Variants in EML5 observed in about 807,000 individuals in gnomAD.
EML5 encodes the protein echinoderm microtubule-associated protein-like 5.
Under a neutral mutation model 250.0 loss-of-function variants are expected in EML5, and 120 were observed. That is an observed-to-expected ratio of 0.48 (90% CI 0.41 to 0.56). The LOEUF (loss-of-function observed/expected upper bound fraction) is 0.56. EML5 is among the 20% of genes least tolerant of loss of function. The pLI is 0.00. For missense variants in EML5, 2,006 were observed against 2,437.6 expected (o/e 0.82, Z 3.73); for synonymous variants, 771 against 806.5 (o/e 0.96, Z 0.75).
intron 6 of EML5, among the ~76,000 whole-genome samples, chr14:88,737,340 A>G (rs2093857727): frequency 6.6e-6 from 1 of 152,222 alleles, no homozygotes; most frequent in South Asian, 2.1e-4. Context: ...CCCTTCAACC[A>G]GACGCCAACG....
At chr14:88,701,843 A>G (rs951961496) in intron 14 of EML5, among the ~76,000 whole-genome samples, 4 of 152,204 alleles carry the variant, frequency 2.6e-5, no homozygotes, top group Non-Finnish European at 5.9e-5. Flanking sequence ...TTACTCTCAC[A>G]TGGTTGAGGT....
At chr14:88,636,511 A>C (rs1428457982) in intron 32 of EML5, among the ~76,000 whole-genome samples, 1 of 152,148 alleles carries the variant, frequency 6.6e-6, no homozygotes, top group Non-Finnish European at 1.5e-5. Context: ...AAATACAAAA[A>C]TTAGCCAGGC....
intron 28 of EML5, among the ~76,000 whole-genome samples, chr14:88,648,213 C>CT (rs1220849310): frequency 6.6e-6 from 1 of 152,060 alleles, no homozygotes; most frequent in Admixed American, 6.5e-5. Context: ...CATTGTACAG[C>CT]TTTGATGACA....
intron 1 of EML5, among the ~76,000 whole-genome samples, chr14:88,786,106 C>G (rs1426565917): frequency 6.6e-6 from 1 of 152,080 alleles, no homozygotes; most frequent in Non-Finnish European, 1.5e-5. Context: ...TTTGATAGTC[C>G]CTTTACTTAA....
At chr14:88,745,167 T>TTG (rs1555370057) in intron 3 of EML5, among the ~76,000 whole-genome samples, 31,999 of 145,162 alleles carry the variant, frequency 0.22, 3,718 homozygotes, top group Non-Finnish European at 0.27. Context: ...AATTGTGTGT[T>TTG]TGTGTGTGTG....
chr14:88,661,954 A>C lies in EML5; in HGVS notation c.3499-124T>G, dbSNP rs75064735. On this transcript the variant is annotated intron_variant, in intron 24 of 43. Coordinates refer to ENST00000554922, the MANE Select transcript of EML5 (RefSeq NM_183387.3). ...AGTAAAATGAAAGTTTTAATGAAAA[A>C]ATAGTTAAATTATTAGTTGTCTTGG... is the stretch of plus-strand genomic sequence containing the variant. 4.7e-3 allele frequency: 4,225 copies of C among 897,872 alleles called. 138 individuals carry two copies. The African/African-American group carries it at 0.062, about 13-fold the overall frequency. 55.6% of individuals were successfully genotyped at this position (897,872 alleles called of 1,614,324 possible).
chr14:88,643,506 G>A (rs979451672), intron 30 of EML5, among the ~76,000 whole-genome samples: 1 of 152,152 alleles, frequency 6.6e-6, no homozygotes, highest in African/African-American at 2.4e-5. Flanking sequence ...ATGTGCATAG[G>A]TTATATGCAA....
chr14:88,758,977 G>A (rs1364917095), intron 1 of EML5, among the ~76,000 whole-genome samples: 1 of 152,198 alleles, frequency 6.6e-6, no homozygotes, highest in South Asian at 2.1e-4. Context: ...AAGTAGATTA[G>A]TGATTGCCAG....
At chr14:88,650,237 G>A (rs2091554884) in intron 27 of EML5, among the ~76,000 whole-genome samples, 1 of 152,160 alleles carries the variant, frequency 6.6e-6, no homozygotes, top group African/African-American at 2.4e-5. Flanking sequence ...TGAATCACTT[G>A]AGGTCAGGAG....
intron 7 of EML5, among the ~76,000 whole-genome samples, chr14:88,732,503 G>A (rs1476705608): frequency 6.6e-6 from 1 of 152,194 alleles, no homozygotes; most frequent in Non-Finnish European, 1.5e-5. Context: ...GTAGCGTGAT[G>A]CCTTCAGTGT....
chr14:88,618,406 C>T, intron 40 of EML5, 75 bp from the exon 41 acceptor site: 1 of 1,297,652 alleles, frequency 7.7e-7, no homozygotes, highest in African/African-American at 1.5e-5. Flanking sequence ...TTACAGAATA[C>T]TAGCATATTG....
intron 7 of EML5, among the ~76,000 whole-genome samples, chr14:88,731,528 TAC>T (rs1367519005): frequency 2.0e-5 from 3 of 152,170 alleles, no homozygotes; most frequent in African/African-American, 7.2e-5. Flanking sequence ...ACAATAAACA[TAC>T]GTGTGCATGT....
At chr14:88,683,505 G>A (rs1285969557) in intron 20 of EML5, among the ~76,000 whole-genome samples, 1 of 152,198 alleles carries the variant, frequency 6.6e-6, no homozygotes, top group Admixed American at 6.5e-5. Flanking sequence ...TTATTACCCT[G>A]ATATCAAAGC....
intron 37 of EML5, chr14:88,621,669 C>A: frequency 3.6e-6 from 1 of 275,676 alleles, no homozygotes; most frequent in Non-Finnish European, 7.1e-6. Flanking sequence ...AAAGTAAAAG[C>A]TTAACTACAA....
intron 21 of EML5, among the ~76,000 whole-genome samples, chr14:88,670,479 C>T (rs1567096441): frequency 6.6e-6 from 1 of 152,072 alleles, no homozygotes; most frequent in Non-Finnish European, 1.5e-5. Context: ...AAAAAAAATG[C>T]TGCAAACTCA....
chr14:88,622,456 AAGC>A (rs1312165221), intron 37 of EML5, 145 bp downstream of exon 37: 2 of 574,774 alleles, frequency 3.5e-6, no homozygotes, highest in Non-Finnish European at 5.5e-6. Flanking sequence ...TTGGCAAAGA[AAGC>A]AGCAAAGACA....
In EML5 at chr14:88,702,615, C is replaced by G; in HGVS notation, c.2069G>C (p.Cys690Ser). The G allele has an allele frequency of 1.3e-6, 2 of 1,585,186 alleles. No homozygotes were observed. The highest frequency in any genetic ancestry group is 1.7e-6 in the Non-Finnish European group (2 of 1,166,056). ...HFVHGYRGYD[C>S]RSNLFYTQIG... ...TTGAGTATAAAACAGATTACTTCGA[C>G]AGTCATAACCTCTGTAACTAATATA... is the stretch of plus-strand genomic sequence containing the variant. Residue 690 changes from cysteine to serine, a missense_variant, in exon 14 of 44, where the codon TGT (cysteine) becomes TCT (serine). Cys to Ser is a moderately radical substitution (Grantham distance 112, BLOSUM62 -1). Coordinates refer to ENST00000554922, the MANE Select transcript of EML5 (RefSeq NM_183387.3).
At chr14:88,770,930 C>A (rs2094385955) in intron 1 of EML5, among the ~76,000 whole-genome samples, 1 of 152,066 alleles carries the variant, frequency 6.6e-6, no homozygotes, top group East Asian at 1.9e-4. Flanking sequence ...ATTAATATTG[C>A]TGAGTAATGG....
At chr14:88,780,837 T>G (rs1220660473) in intron 1 of EML5, among the ~76,000 whole-genome samples, 2 of 152,174 alleles carry the variant, frequency 1.3e-5, no homozygotes, top group Non-Finnish European at 2.9e-5. Flanking sequence ...CCTCCCAAAG[T>G]GCTGGGATTA....
Sources: allele counts gnomAD v4.1 joint callset (sites outside exome capture counted in the v4.1 genomes callset), GRCh38; gene constraint gnomAD v4.1.1; transcripts MANE v1.5; gene names NCBI Gene and HGNC (gene_info 2026-07-23, HGNC 2026-07-21).